The following MINDY4 variants were observed in gnomAD, a reference collection of about 807,000 sequenced individuals.
MINDY4 encodes the protein MINDY lysine 48 deubiquitinase 4, also known as probable ubiquitin carboxyl-terminal hydrolase MINDY-4.
MINDY4 carries 68 observed loss-of-function variants against 87.0 expected under a neutral mutation model. The observed-to-expected ratio is 0.78, with a 90% confidence interval of 0.64 to 0.96. The LOEUF (loss-of-function observed/expected upper bound fraction) is 0.96, where lower values mean the gene tolerates loss of function less well. Among genes scored for constraint, MINDY4 ranks in the 40% least tolerant of loss-of-function variants. The probability of loss-of-function intolerance (pLI) is 0.00; values close to 1 mark genes in which losing one functional copy is unlikely to be tolerated. For missense variants in MINDY4, 919 were observed against 928.2 expected (o/e 0.99, Z 0.13); for synonymous variants, 379 against 363.2 (o/e 1.04, Z -0.50).
intron 3 of MINDY4, among the ~76,000 whole-genome samples, chr7:30,784,248 T>C (rs928716796): frequency 6.6e-6 from 1 of 152,226 alleles, no homozygotes; most frequent in African/African-American, 2.4e-5. Context: ...TTGAAGCTCC[T>C]GAGTCCCACC....
In MINDY4 at chr7:30,811,070, G is replaced by A. The variant is rs189336114; in HGVS notation, c.1074-17609G>A. Among the ~76,000 whole-genome samples, 55 of 151,546 alleles carry A rather than the reference G, an allele frequency of 3.6e-4. 1 individual carries two copies. In the South Asian group the frequency reaches 0.01, roughly 28 times the overall value. ...ACCAGCCTAAAGATCACTTCTTATC[G>A]AAGGGTGGAAAGAAAAGAAACTTGA... is the stretch of plus-strand genomic sequence containing the variant. On this transcript the variant is annotated intron_variant, in intron 5 of 17. Transcript: ENST00000265299.
intron 9 of MINDY4, among the ~76,000 whole-genome samples, chr7:30,842,438 T>C (rs1011570875): frequency 6.6e-6 from 1 of 152,212 alleles, no homozygotes; most frequent in Non-Finnish European, 1.5e-5. Flanking sequence ...GGTGGAACTT[T>C]GCTAAGTAAG....
chr7:30,815,131 G>A (rs1788109225), intron 5 of MINDY4, among the ~76,000 whole-genome samples: 1 of 152,204 alleles, frequency 6.6e-6, no homozygotes, highest in African/African-American at 2.4e-5. Context: ...TAGCAGCTAA[G>A]TAAACATCTC....
intron 5 of MINDY4, among the ~76,000 whole-genome samples, chr7:30,795,050 T>C (rs900156306): frequency 2.0e-5 from 3 of 152,174 alleles, no homozygotes; most frequent in African/African-American, 7.2e-5. Flanking sequence ...AGGGGCACTT[T>C]GTGAAGGTGG....
intron 13 of MINDY4, among the ~76,000 whole-genome samples, chr7:30,863,358 A>T (rs1789826403): frequency 6.6e-6 from 1 of 152,158 alleles, no homozygotes; most frequent in African/African-American, 2.4e-5. Context: ...TGGTGGTGTG[A>T]TAGTGTGTGT....
intron 6 of MINDY4, among the ~76,000 whole-genome samples, chr7:30,832,735 C>T (rs879760729): frequency 5.3e-5 from 8 of 152,102 alleles, no homozygotes; most frequent in Admixed American, 3.3e-4. Context: ...CTCTTAAACT[C>T]GACCTCAGGT....
Position 30,891,987 on chromosome 7 carries a change from C to T in MINDY4, c.2256C>T (p.Gly752=), listed in dbSNP as rs1031865250. The part of the protein sequence containing the change: ...KWKGASVNWN[G]SDPIL ...AGGGGGCATCAGTGAACTGGAACGG[C>T]TCAGACCCCATCCTGTGACCGTTGG... Residue 752 remains glycine (G), a synonymous_variant, in exon 18 of 18, where the codon GGC becomes GGT. Transcript: ENST00000265299. The T allele has an allele frequency of 3.1e-6, 5 of 1,614,060 alleles. No homozygotes were observed. The African/African-American group carries it at 4.0e-5, about 13-fold the overall frequency.
intron 5 of MINDY4, among the ~76,000 whole-genome samples, chr7:30,806,663 C>T (rs1787814751): frequency 6.6e-6 from 1 of 152,284 alleles, no homozygotes; most frequent in Non-Finnish European, 1.5e-5. Flanking sequence ...CCCCTGGGGT[C>T]AGGCATATAG....
intron 15 of MINDY4, 49 bp downstream of exon 15, chr7:30,875,705 G>A: frequency 6.5e-7 from 1 of 1,547,654 alleles, no homozygotes; most frequent in South Asian, 1.3e-5. Context: ...TGACTCTCTG[G>A]AGCAATGAGG....
rs144974743 is a variant in MINDY4 at position 30,808,498 on chromosome 7, G to A, written c.1073+16924G>A. On this transcript the variant is annotated intron_variant, in intron 5 of 17. Coordinates refer to ENST00000265299, the MANE Select transcript of MINDY4 (RefSeq NM_032222.3). The stretch of plus-strand genomic sequence containing the variant: ...TTACTCGTTCTTTGTTTTGTGTTGT[G>A]CATGTGGTGTGAGCGTGGTGTTTTG... Among the ~76,000 whole-genome samples the A allele has an allele frequency of 2.7e-4, 41 of 152,234 alleles. No individual in the cohort carries two copies. The East Asian group carries it at 6.2e-3, about 23-fold the overall frequency.
At chr7:30,855,094 G>A (rs1050787608) in intron 12 of MINDY4, among the ~76,000 whole-genome samples, 5 of 152,202 alleles carry the variant, frequency 3.3e-5, no homozygotes, top group South Asian at 2.1e-4. Flanking sequence ...TGCATCCACC[G>A]CCTGGCCTGG....
At chr7:30,856,824 A>G (rs2040838) in intron 12 of MINDY4, among the ~76,000 whole-genome samples, 60,390 of 151,194 alleles carry the variant, frequency 0.4, 15,370 homozygotes, top group African/African-American at 0.72. Context: ...GGTACAAGGG[A>G]CTGGTGACCC....
At chr7:30,803,656 A>C (rs1787725450) in intron 5 of MINDY4, among the ~76,000 whole-genome samples, 1 of 151,304 alleles carries the variant, frequency 6.6e-6, no homozygotes, top group Non-Finnish European at 1.5e-5. Flanking sequence ...CATATTCATC[A>C]CTCTTCTGTG....
At chr7:30,838,851 AC>A (rs1463948815) in intron 7 of MINDY4, among the ~76,000 whole-genome samples, 9 of 151,764 alleles carry the variant, frequency 5.9e-5, no homozygotes, top group Non-Finnish European at 1.3e-4. Flanking sequence ...GAGTTTGAAA[AC>A]CCCTAGTCTT....
In MINDY4 at chr7:30,869,593, G is replaced by A. The variant is rs145193963; in HGVS notation, c.1746-2650G>A. On this transcript the variant is annotated intron_variant, in intron 13 of 17. Coordinates refer to ENST00000265299, the MANE Select transcript of MINDY4 (RefSeq NM_032222.3). ...TGAGTCCTCACTTCATCTTTTCCTT[G>A]TGAGTGTGCATCTTTGGTGTCCCTC... Among the ~76,000 whole-genome samples, 641 of 152,178 alleles carry A rather than the reference G, an allele frequency of 4.2e-3. 5 individuals are homozygous for A. Among genetic ancestry groups the A allele is most frequent in the African/African-American group, 0.015 (606 of 41,520 alleles).
intron 6 of MINDY4, 133 bp from the exon 7 acceptor site, chr7:30,836,525 T>C (rs1472824555): frequency 9.6e-6 from 7 of 732,698 alleles, no homozygotes; most frequent in African/African-American, 1.7e-5. Context: ...CTGGGGTGAA[T>C]GAATGCGGGG....
intron 11 of MINDY4, among the ~76,000 whole-genome samples, chr7:30,852,949 AG>A (rs1789457901): frequency 6.6e-6 from 1 of 152,204 alleles, no homozygotes; most frequent in Admixed American, 6.5e-5. Context: ...TGCCTGAAAA[AG>A]CAAAGGAGAC....
At chr7:30,792,386 A>G (rs1023779508) in intron 5 of MINDY4, among the ~76,000 whole-genome samples, 1 of 152,212 alleles carries the variant, frequency 6.6e-6, no homozygotes, top group South Asian at 2.1e-4. Flanking sequence ...GCTGATACCT[A>G]GGTTATGCTA....
At chr7:30,866,480 G>C (rs1325110497) in intron 13 of MINDY4, among the ~76,000 whole-genome samples, 2 of 152,166 alleles carry the variant, frequency 1.3e-5, no homozygotes, top group Admixed American at 6.5e-5. Flanking sequence ...TAGGGGCACA[G>C]TTGCTGTGCA....
Sources: allele counts gnomAD v4.1 joint callset (sites outside exome capture counted in the v4.1 genomes callset), GRCh38; gene constraint gnomAD v4.1.1; transcripts MANE v1.5; gene names NCBI Gene and HGNC (gene_info 2026-07-23, HGNC 2026-07-21).